LARP4: variants seen among roughly 807,000 people sequenced by gnomAD.
The protein encoded by LARP4 is la-related protein 4.
A neutral mutation model predicts 92.9 loss-of-function variants in LARP4; 29 were observed. The observed-to-expected ratio is 0.31, with a 90% CI of 0.23 to 0.43. LARP4 has a LOEUF of 0.43. LARP4 is among the 20% of genes least tolerant of loss of function. The probability of loss-of-function intolerance (pLI) is 1.00; values close to 1 mark genes in which losing one functional copy is unlikely to be tolerated. For synonymous variants in LARP4, 279 were observed against 284.1 expected, an observed-to-expected ratio of 0.98 and a Z score of 0.18; for missense variants, 732 against 860.0, an observed-to-expected ratio of 0.85 and a Z score of 1.86.
chr12:50,436,150 G>A (rs376213148), intron 5 of LARP4, among the ~76,000 whole-genome samples: 1 of 121,102 alleles, frequency 8.3e-6, no homozygotes, highest in Non-Finnish European at 1.7e-5. Context: ...TATATATCCC[G>A]CTGGGGTGTG....
intron 9 of LARP4, 30 bp from the exon 10 acceptor site, chr12:50,454,284 A>G: frequency 6.5e-7 from 1 of 1,529,026 alleles, no homozygotes; most frequent in Non-Finnish European, 9.0e-7. Flanking sequence ...CTTTGCCATT[A>G]ATATTGTTTA....
chr12:50,424,209 A>AT (rs915251856), intron 1 of LARP4, among the ~76,000 whole-genome samples: 1 of 151,564 alleles, frequency 6.6e-6, no homozygotes, highest in Non-Finnish European at 1.5e-5. Flanking sequence ...ACTCTGCCAA[A>AT]TTTTTTTTTA....
intron 12 of LARP4, among the ~76,000 whole-genome samples, chr12:50,463,095 A>G (rs1211116979): frequency 3.4e-4 from 51 of 151,882 alleles, no homozygotes. Flanking sequence ...TGGTACAATC[A>G]TGGCTCACTG....
chr12:50,473,557 G>A (rs2139168088), intron 14 of LARP4, 21 bp downstream of exon 14: 7 of 1,602,448 alleles, frequency 4.4e-6, no homozygotes, highest in Non-Finnish European at 6.0e-6. Flanking sequence ...TAGTATAGAA[G>A]ATCTTCAACA....
intron 8 of LARP4, among the ~76,000 whole-genome samples, chr12:50,451,162 C>G (rs1162998046): frequency 1.3e-5 from 2 of 152,160 alleles, no homozygotes; most frequent in African/African-American, 4.8e-5. Flanking sequence ...ACCCTGCTCT[C>G]CAGAACTTAT....
intron 9 of LARP4, 58 bp from the exon 10 acceptor site, chr12:50,454,256 C>T: frequency 1.6e-6 from 2 of 1,282,504 alleles, no homozygotes; most frequent in Non-Finnish European, 2.2e-6. Context: ...TTCTTGTGAC[C>T]CTCACACCAG....
intron 13 of LARP4, among the ~76,000 whole-genome samples, chr12:50,468,326 G>T (rs1179556435): frequency 6.8e-6 from 1 of 148,138 alleles, no homozygotes; most frequent in Admixed American, 6.9e-5. Flanking sequence ...ACAGAGTCTC[G>T]CTCGTAGCCC....
intron 1 of LARP4, chr12:50,402,768 A>G (rs1216292698): frequency 2.2e-6 from 1 of 455,604 alleles, no homozygotes; most frequent in East Asian, 7.0e-5. Flanking sequence ...GCTGATGTCA[A>G]ATCATGGACG....
At chr12:50,445,753 TAG>T (rs1951908872) in intron 8 of LARP4, among the ~76,000 whole-genome samples, 1 of 152,172 alleles carries the variant, frequency 6.6e-6, no homozygotes, top group South Asian at 2.1e-4. Flanking sequence ...TGCTGTATTC[TAG>T]AGTTTCCATT....
intron 6 of LARP4, among the ~76,000 whole-genome samples, chr12:50,439,971 G>T (rs1347397430): frequency 6.6e-6 from 1 of 152,180 alleles, no homozygotes; most frequent in Non-Finnish European, 1.5e-5. Flanking sequence ...AAATGAGAAT[G>T]CGTGAAAATT....
intron 4 of LARP4, among the ~76,000 whole-genome samples, chr12:50,432,134 G>T (rs1027199960): frequency 6.6e-6 from 1 of 152,138 alleles, no homozygotes; most frequent in African/African-American, 2.4e-5. Context: ...CTACTAACTA[G>T]ATCATTTATG....
intron 2 of LARP4, 83 bp downstream of exon 2, chr12:50,427,992 TC>T (rs370492866): frequency 6.5e-5 from 32 of 491,678 alleles, no homozygotes; most frequent in East Asian, 1.5e-4. Flanking sequence ...GAGACACATC[TC>T]TTTTTTTTTT....
At chr12:50,432,948 C>T (rs576452483) in intron 4 of LARP4, among the ~76,000 whole-genome samples, 25 of 151,648 alleles carry the variant, frequency 1.6e-4, no homozygotes, top group Non-Finnish European at 3.5e-4. Flanking sequence ...GACTTAATCA[C>T]GAGACCACAT....
rs1398482706 is a variant in LARP4, at chr12:50,474,165, C to T, written c.1834C>T (p.Gln612Ter). 6.3e-7 allele frequency: 1 copy of T among 1,592,798 alleles called. No homozygotes were observed. The highest frequency in any genetic ancestry group is 1.4e-5 in the African/African-American group (1 of 73,398). ...NINAATAVAL[Q>*]EPRKLSYAEV... ...AAATGCAGCTACAGCTGTGGCTCTA[C>T]AGGTAACTTGAAGATTTTAGTTTAT... Residue 612 changes from glutamine to a stop codon, truncating the protein, a stop_gained and splice_region_variant, in exon 15 of 16, where the codon CAG becomes TAG. Coordinates refer to ENST00000398473, the MANE Select transcript of LARP4 (RefSeq NM_052879.5). LOFTEE classifies it high-confidence loss of function.
chr12:50,409,937 C>T (rs1357610376), intron 1 of LARP4, among the ~76,000 whole-genome samples: 1 of 151,694 alleles, frequency 6.6e-6, no homozygotes, highest in African/African-American at 2.4e-5. Context: ...AGATTACACA[C>T]AGGTACCACC....
At chr12:50,411,305 C>A (rs189998189) in intron 1 of LARP4, among the ~76,000 whole-genome samples, 1 of 151,862 alleles carries the variant, frequency 6.6e-6, no homozygotes, top group African/African-American at 2.4e-5. Flanking sequence ...CCTCTGCCTC[C>A]TAAGTAGCTG....
At position 50,475,877 on chromosome 12, in the gene LARP4, C is replaced by G. The variant is rs1358709276; in HGVS notation, c.*13C>G. 1 of 1,605,326 alleles carries G rather than the reference C, an allele frequency of 6.2e-7. No individual in the cohort carries two copies. Among genetic ancestry groups the G allele is most frequent in the African/African-American group, 1.3e-5 (1 of 74,508 alleles). ...ATCACCAAAGTAAAAAACAACAAAACTATTCAAAAACTTCACTCTCTTCCC... is the reference window on the plus strand; with the variant it reads ...ATCACCAAAGTAAAAAACAACAAAAGTATTCAAAAACTTCACTCTCTTCCC... On this transcript the variant is annotated 3_prime_UTR_variant, in exon 16 of 16. Coordinates refer to ENST00000398473, the MANE Select transcript of LARP4 (RefSeq NM_052879.5).
At position 50,428,931 on chromosome 12, in the gene LARP4, A is replaced by G; in HGVS notation, c.167-4A>G. 6.4e-7 allele frequency: 1 copy of G among 1,569,258 alleles called. No individual in the cohort carries two copies. Among genetic ancestry groups the G allele is most frequent in the Non-Finnish European group, 8.6e-7 (1 of 1,159,292 alleles). On this transcript the variant is annotated splice_polypyrimidine_tract_variant and splice_region_variant and intron_variant, in intron 2 of 15. Transcript: ENST00000398473. ...TTTACTTTCAGTGTCTGTCTTTAAT[A>G]CAGGTAATGCAGAGCTCTCAGAAGA...
chr12:50,460,405 G>A (rs1955158463), intron 10 of LARP4, among the ~76,000 whole-genome samples: 1 of 152,136 alleles, frequency 6.6e-6, no homozygotes, highest in Non-Finnish European at 1.5e-5. Context: ...ATAGCTCGCT[G>A]CAGCCTCAAA....
Sources: gnomAD v4.1 joint callset for allele counts (sites outside exome capture counted in the v4.1 genomes callset) on GRCh38, gnomAD v4.1.1 for gene constraint, MANE v1.5 for transcripts, NCBI Gene and HGNC (gene_info 2026-07-23, HGNC 2026-07-21) for gene names.